The following CNTNAP4 variants were observed in gnomAD, a reference collection of about 807,000 sequenced individuals.
CNTNAP4 encodes contactin-associated protein-like 4.
In CNTNAP4, 98 loss-of-function variants were observed where a neutral mutation model predicts 148.4. That is an observed-to-expected ratio of 0.66 (90% CI 0.56 to 0.78). The LOEUF (loss-of-function observed/expected upper bound fraction) is 0.78, where lower values mean the gene tolerates loss of function less well. CNTNAP4 is among the 30% of genes least tolerant of loss of function. The pLI is 0.00. For missense variants in CNTNAP4, 1,935 were observed against 1,565.6 expected, an observed-to-expected ratio of 1.24 and a Z score of -3.98; for synonymous variants, 730 against 565.1, an observed-to-expected ratio of 1.29 and a Z score of -4.14.
chr16:76,277,560 A>T lies in CNTNAP4; in HGVS notation c.-103A>T. The T allele has an allele frequency of 1.4e-6, 1 of 726,432 alleles. No individual in the cohort carries two copies. The highest frequency in any genetic ancestry group is 2.4e-6 in the Non-Finnish European group (1 of 414,830). 45.0% of individuals were successfully genotyped at this position (726,432 alleles called of 1,614,324 possible). A position where few individuals can be genotyped will look rare whatever the true frequency, so the allele number is the denominator to read the frequency against. Reference sequence around the variant, plus strand: ...GGGAGGGGGAGAGACAGAGACCTAGAGGGGCTGAAGACCCAGACAGAGCTG... The same window carrying T: ...GGGAGGGGGAGAGACAGAGACCTAGTGGGGCTGAAGACCCAGACAGAGCTG... On this transcript the variant is annotated 5_prime_UTR_variant, in exon 1 of 24. Transcript: ENST00000611870.
chr16:76,294,815 C>G (rs184629357), intron 1 of CNTNAP4, among the ~76,000 whole-genome samples: 1 of 152,270 alleles, frequency 6.6e-6, no homozygotes, highest in East Asian at 1.9e-4. Flanking sequence ...TCTTCAGCAC[C>G]AGTTTTCTTG....
intron 3 of CNTNAP4, among the ~76,000 whole-genome samples, chr16:76,426,940 G>A (rs1168198268): frequency 3.9e-5 from 6 of 152,172 alleles, no homozygotes; most frequent in Admixed American, 2.0e-4. Flanking sequence ...TTAGCTGAGT[G>A]TAGCTCCAAC....
intron 4 of CNTNAP4, among the ~76,000 whole-genome samples, chr16:76,442,224 C>T (rs1226998855): frequency 2.0e-5 from 3 of 151,964 alleles, no homozygotes; most frequent in Admixed American, 6.6e-5. Context: ...GAAGAGGCCA[C>T]GAGCCAAGTG....
At position 76,559,386 on chromosome 16, in the gene CNTNAP4, G is replaced by C. The variant is rs755502329; in HGVS notation, c.*703G>C. 7.3e-5 allele frequency: 11 copies of C among 151,026 alleles called. No homozygotes were observed. The highest frequency in any genetic ancestry group is 2.4e-4 in the African/African-American group (10 of 41,392). The allele number at this position is 151,026 out of a possible 1,614,324, so 9.4% of individuals were successfully genotyped here. A position where few individuals can be genotyped will look rare whatever the true frequency, so the allele number is the denominator to read the frequency against. Reference sequence around the variant, plus strand: ...GACTCAGAAAGTGCAGTGGTTGTTAGTATGTAATGTCTTTCCTTTTAAAAA... The same window carrying C: ...GACTCAGAAAGTGCAGTGGTTGTTACTATGTAATGTCTTTCCTTTTAAAAA... On this transcript the variant is annotated 3_prime_UTR_variant, in exon 24 of 24. Transcript: ENST00000611870.
intron 2 of CNTNAP4, among the ~76,000 whole-genome samples, chr16:76,341,526 T>A (rs1187819149): frequency 2.0e-5 from 3 of 152,202 alleles, no homozygotes; most frequent in African/African-American, 7.2e-5. Flanking sequence ...TAATTAGAAA[T>A]GATTTTTAAC....
intron 1 of CNTNAP4, among the ~76,000 whole-genome samples, chr16:76,299,569 T>C (rs1474765892): frequency 6.6e-6 from 1 of 152,126 alleles, no homozygotes; most frequent in African/African-American, 2.4e-5. Context: ...AGTTCAACCA[T>C]TGTGGAAGTC....
chr16:76,511,837 T>G (rs1213080374), intron 15 of CNTNAP4, among the ~76,000 whole-genome samples: 1 of 49,640 alleles, frequency 2.0e-5, no homozygotes, highest in Admixed American at 1.6e-4. Context: ...TATATTTTCT[T>G]GGAGAGAGAG....
At chr16:76,434,855 G>A (rs375261254) in intron 4 of CNTNAP4, among the ~76,000 whole-genome samples, 2 of 152,184 alleles carry the variant, frequency 1.3e-5, no homozygotes, top group East Asian at 1.9e-4. Flanking sequence ...GGACGCACTG[G>A]ACCTACTATA....
intron 1 of CNTNAP4, among the ~76,000 whole-genome samples, chr16:76,278,655 T>G (rs2143713444): frequency 6.6e-6 from 1 of 152,354 alleles, no homozygotes; most frequent in East Asian, 1.9e-4. Context: ...ATACAACTTT[T>G]TATTTTTTCT....
chr16:76,424,818 A>T (rs997417584), intron 3 of CNTNAP4, among the ~76,000 whole-genome samples: 4 of 152,102 alleles, frequency 2.6e-5, no homozygotes, highest in African/African-American at 9.7e-5. Context: ...CCAAAGAGAA[A>T]GAGAGAACAA....
intron 3 of CNTNAP4, among the ~76,000 whole-genome samples, chr16:76,377,813 A>G (rs2015570217): frequency 6.6e-6 from 1 of 152,056 alleles, no homozygotes; most frequent in Admixed American, 6.6e-5. Context: ...ATGCTTACTG[A>G]CTCCATGGAA....
In CNTNAP4 at chr16:76,560,461, G is replaced by C. The variant is rs535691616; in HGVS notation, c.*1778G>C. ...TTGATTGGAAGATCTATGGTGACAAGGGAAGGATTTAACATAGAAATGGCA... is the reference window on the plus strand; with the variant it reads ...TTGATTGGAAGATCTATGGTGACAACGGAAGGATTTAACATAGAAATGGCA... On this transcript the variant is annotated 3_prime_UTR_variant, in exon 24 of 24. Transcript: ENST00000611870. 1.8e-4 allele frequency among the ~76,000 whole-genome samples: 27 copies of C among 152,304 alleles called. No individual in the cohort carries two copies. The highest frequency in any genetic ancestry group is 6.0e-4 in the African/African-American group (25 of 41,564).
intron 15 of CNTNAP4, among the ~76,000 whole-genome samples, chr16:76,503,818 G>A (rs1225667354): frequency 1.3e-5 from 2 of 151,376 alleles, no homozygotes; most frequent in African/African-American, 4.9e-5. Context: ...TGAGAATGAT[G>A]GTTTCCAAAA....
intron 21 of CNTNAP4, among the ~76,000 whole-genome samples, chr16:76,550,552 A>C (rs942847661): frequency 6.6e-6 from 1 of 152,174 alleles, no homozygotes; most frequent in African/African-American, 2.4e-5. Flanking sequence ...TTAAAGGCCT[A>C]TGGAAATTTT....
chr16:76,396,968 T>C (rs934183139), intron 3 of CNTNAP4, among the ~76,000 whole-genome samples: 2 of 151,828 alleles, frequency 1.3e-5, no homozygotes, highest in African/African-American at 4.8e-5. Context: ...ACATAAATGG[T>C]TGAGGGAAAC....
chr16:76,511,057 AT>A (rs1234952318), intron 15 of CNTNAP4, among the ~76,000 whole-genome samples: 5 of 152,296 alleles, frequency 3.3e-5, no homozygotes, highest in Admixed American at 2.0e-4. Flanking sequence ...GATAAAAGGT[AT>A]ATACACATTT....
At position 76,342,557 on chromosome 16, in the gene CNTNAP4, CCACCTCCGAGGTT is replaced by C. The variant is rs372247229; in HGVS notation, c.197-12757_197-12745del. On this transcript the variant is annotated intron_variant, in intron 2 of 23. Coordinates refer to ENST00000611870, the MANE Select transcript of CNTNAP4 (RefSeq NM_033401.5). Reference sequence around the variant, plus strand: ...GTGCAATCTCGGCTCACTGCAAGCTCCACCTCCGAGGTTCACACCATTCTCCTGTGTCAGCCTC... The same window carrying C: ...GTGCAATCTCGGCTCACTGCAAGCTCCACACCATTCTCCTGTGTCAGCCTC... Among the ~76,000 whole-genome samples, 276 of 147,222 alleles carry C rather than the reference CCACCTCCGAGGTT, an allele frequency of 1.9e-3. 2 individuals carry two copies. Among genetic ancestry groups the C allele is most frequent in the African/African-American group, 6.7e-3 (267 of 39,816 alleles).
intron 15 of CNTNAP4, among the ~76,000 whole-genome samples, chr16:76,519,881 G>A (rs2083391860): frequency 6.6e-6 from 1 of 152,150 alleles, no homozygotes; most frequent in Non-Finnish European, 1.5e-5. Context: ...AAAAATAGAA[G>A]CATTATTCGG....
At chr16:76,336,997 A>G (rs1443314795) in intron 2 of CNTNAP4, among the ~76,000 whole-genome samples, 18 of 152,342 alleles carry the variant, frequency 1.2e-4, no homozygotes, top group Admixed American at 1.2e-3. Context: ...AGATCAAACT[A>G]ACCGCTGTCA....
Sources: allele counts gnomAD v4.1 joint callset (sites outside exome capture counted in the v4.1 genomes callset), GRCh38; gene constraint gnomAD v4.1.1; transcripts MANE v1.5; gene names NCBI Gene and HGNC (gene_info 2026-07-23, HGNC 2026-07-21).